LPXN: variants seen among roughly 807,000 people sequenced by gnomAD.
LPXN encodes the protein leupaxin.
A neutral mutation model predicts 45.6 loss-of-function variants in LPXN; 28 were observed. The observed-to-expected ratio is 0.61, with a 90% CI of 0.45 to 0.84. LPXN has a LOEUF of 0.84. Among genes scored for constraint, LPXN ranks in the 40% least tolerant of loss-of-function variants. The pLI is 0.00. For missense variants in LPXN, 459 were observed against 475.0 expected, an observed-to-expected ratio of 0.97 and a Z score of 0.31; for synonymous variants, 166 against 169.9, an observed-to-expected ratio of 0.98 and a Z score of 0.18.
At chr11:58,543,644 A>G (rs1367277506) in intron 7 of LPXN, among the ~76,000 whole-genome samples, 3 of 152,298 alleles carry the variant, frequency 2.0e-5, no homozygotes, top group Admixed American at 6.5e-5. Flanking sequence ...AGGAGCTGAG[A>G]TTGAAATCTA....
chr11:58,564,674 G>A (rs1854476929), intron 2 of LPXN, among the ~76,000 whole-genome samples: 2 of 152,182 alleles, frequency 1.3e-5, no homozygotes. Flanking sequence ...TGCCAGGGCT[G>A]AGGATGTAGC....
At chr11:58,544,128 T>C (rs1468029925) in intron 7 of LPXN, among the ~76,000 whole-genome samples, 3 of 152,194 alleles carry the variant, frequency 2.0e-5, no homozygotes, top group African/African-American at 7.2e-5. Flanking sequence ...GAGCTCACTT[T>C]ACTTTTTATT....
chr11:58,563,086 T>C (rs1854426565), intron 3 of LPXN, among the ~76,000 whole-genome samples: 1 of 152,196 alleles, frequency 6.6e-6, no homozygotes. Context: ...GTTGGGCTAG[T>C]TTTCATGTTA....
At chr11:58,543,288 C>G (rs1160975523) in intron 7 of LPXN, among the ~76,000 whole-genome samples, 1 of 152,100 alleles carries the variant, frequency 6.6e-6, no homozygotes, top group Non-Finnish European at 1.5e-5. Flanking sequence ...ATTGAATGAG[C>G]TGACATAAGA....
chr11:58,576,947 C>G (rs1854909663), upstream of LPXN, among the ~76,000 whole-genome samples: 1 of 152,138 alleles, frequency 6.6e-6, no homozygotes, highest in Non-Finnish European at 1.5e-5. Context: ...ACCAGGTTAG[C>G]TTAAAAGCTT....
At chr11:58,557,487 G>A (rs919428318) in intron 3 of LPXN, among the ~76,000 whole-genome samples, 8 of 152,172 alleles carry the variant, frequency 5.3e-5, no homozygotes, top group African/African-American at 1.9e-4. Context: ...CTTATAGGTG[G>A]AATCCTCTTT....
intron 7 of LPXN, among the ~76,000 whole-genome samples, chr11:58,545,625 G>A (rs1387381305): frequency 6.6e-6 from 1 of 152,160 alleles, no homozygotes; most frequent in African/African-American, 2.4e-5. Context: ...TTTGCTAGTG[G>A]ATTCTGTCAG....
chr11:58,569,236 C>T (rs1341271594), intron 2 of LPXN, among the ~76,000 whole-genome samples: 3 of 152,210 alleles, frequency 2.0e-5, no homozygotes, highest in South Asian at 4.1e-4. Context: ...CTTAATTCAT[C>T]TTACACTAAT....
intron 7 of LPXN, among the ~76,000 whole-genome samples, chr11:58,531,912 T>C (rs1430803139): frequency 6.6e-6 from 1 of 152,234 alleles, no homozygotes; most frequent in Non-Finnish European, 1.5e-5. Flanking sequence ...TGGCTGAGGC[T>C]GGAGCCAGCT....
intron 7 of LPXN, among the ~76,000 whole-genome samples, chr11:58,542,432 G>A (rs920834939): frequency 6.6e-6 from 1 of 151,646 alleles, no homozygotes; most frequent in Non-Finnish European, 1.5e-5. Context: ...AGAGTCACTT[G>A]ATAATCTACA....
Position 58,551,188 on chromosome 11 carries a change from CTTGTCTGG to C in LPXN, c.355_362del (p.Pro119AlafsTer53). The stretch of plus-strand genomic sequence containing the variant: ...AGTCCAGGGAGGCCTTGTGATCCTG[CTTGTCTGG>C]TAAGTGCTTCTTGCCAGCATCTGCT... On this transcript the variant is annotated frameshift_variant, in exon 5 of 9. Transcript: ENST00000395074. LOFTEE classifies it high-confidence loss of function. 1 of 1,611,822 alleles carries C rather than the reference CTTGTCTGG, an allele frequency of 6.2e-7. No individual in the cohort carries two copies. The highest frequency in any genetic ancestry group is 1.3e-5 in the African/African-American group (1 of 74,944).
chr11:58,529,492 C>T (rs1449658242), intron 7 of LPXN, among the ~76,000 whole-genome samples: 1 of 151,650 alleles, frequency 6.6e-6, no homozygotes, highest in African/African-American at 2.4e-5. Flanking sequence ...CGCCTGTAGT[C>T]CCAGCTACTT....
At chr11:58,549,923 T>C (rs199704501) in intron 6 of LPXN, 50 bp downstream of exon 6, 328 of 1,613,752 alleles carry the variant, frequency 2.0e-4, no homozygotes, top group Non-Finnish European at 2.7e-4. Context: ...AGCATGACTC[T>C]GGTTCTAAGT....
chr11:58,569,679 T>G (rs938421621), intron 2 of LPXN, among the ~76,000 whole-genome samples: 6 of 152,182 alleles, frequency 3.9e-5, no homozygotes, highest in African/African-American at 1.4e-4. Flanking sequence ...CCTGAGCCAC[T>G]GCACCTGCCC....
At chr11:58,542,824 T>G (rs927684560) in intron 7 of LPXN, among the ~76,000 whole-genome samples, 2 of 152,184 alleles carry the variant, frequency 1.3e-5, no homozygotes, top group African/African-American at 4.8e-5. Context: ...CATACATGAA[T>G]AAATGTAGAA....
At chr11:58,555,612 T>C (rs1333498300) in intron 3 of LPXN, among the ~76,000 whole-genome samples, 1 of 152,118 alleles carries the variant, frequency 6.6e-6, no homozygotes, top group African/African-American at 2.4e-5. Flanking sequence ...ATTCTTAGAT[T>C]GGAGTGAATA....
At chr11:58,532,830 T>C (rs555928521) in intron 7 of LPXN, among the ~76,000 whole-genome samples, 26 of 152,340 alleles carry the variant, frequency 1.7e-4, no homozygotes, top group African/African-American at 5.8e-4. Flanking sequence ...TTCCACACTG[T>C]AGAAGTTTTG....
chr11:58,573,542 A>C (rs1257959087), intron 1 of LPXN, among the ~76,000 whole-genome samples: 2 of 152,234 alleles, frequency 1.3e-5, no homozygotes, highest in Non-Finnish European at 2.9e-5. Flanking sequence ...TGCCCTCAGA[A>C]GCACCAGCTA....
chr11:58,536,753 C>T (rs1438799364), intron 7 of LPXN, among the ~76,000 whole-genome samples: 7 of 152,012 alleles, frequency 4.6e-5, no homozygotes, highest in Admixed American at 4.6e-4. Flanking sequence ...TTTTTGCAAT[C>T]TATCCATCTG....
Sources: allele counts gnomAD v4.1 joint callset (sites outside exome capture counted in the v4.1 genomes callset), GRCh38; gene constraint gnomAD v4.1.1; transcripts MANE v1.5; gene names NCBI Gene and HGNC (gene_info 2026-07-23, HGNC 2026-07-21).